DPYSL3: variants seen among roughly 807,000 people sequenced by gnomAD.
DPYSL3 encodes dihydropyrimidinase like 3.
Under a neutral mutation model 66.1 loss-of-function variants are expected in DPYSL3, and 16 were observed. That is an observed-to-expected ratio of 0.24 (90% CI 0.16 to 0.37). The LOEUF is 0.37. DPYSL3 is among the 10% of genes least tolerant of loss of function. The pLI is 1.00. For synonymous variants in DPYSL3, 338 were observed against 345.1 expected (o/e 0.98, Z 0.23); for missense variants, 738 against 916.2 (o/e 0.81, Z 2.51).
intron 1 of DPYSL3, among the ~76,000 whole-genome samples, chr5:147,447,669 G>A (rs138036058): frequency 1.3e-5 from 2 of 152,064 alleles, no homozygotes; most frequent in South Asian, 2.1e-4. Context: ...TCGGGAGTTC[G>A]AGACCAGCCT....
At chr5:147,502,722 G>A (rs1339892456) in intron 1 of DPYSL3, among the ~76,000 whole-genome samples, 1 of 151,756 alleles carries the variant, frequency 6.6e-6, no homozygotes, top group East Asian at 1.9e-4. Flanking sequence ...GACTACAGGC[G>A]CCTGCCACCA....
chr5:147,420,974 G>T (rs1220064519), intron 2 of DPYSL3, among the ~76,000 whole-genome samples: 1 of 151,950 alleles, frequency 6.6e-6, no homozygotes, highest in Non-Finnish European at 1.5e-5. Flanking sequence ...TATGGCCGTA[G>T]CGCCACTCCT....
At chr5:147,442,125 T>C (rs1752543410) in intron 1 of DPYSL3, among the ~76,000 whole-genome samples, 1 of 152,200 alleles carries the variant, frequency 6.6e-6, no homozygotes, top group African/African-American at 2.4e-5. Context: ...TGATTTCAAA[T>C]AAAGGTCTCC....
intron 1 of DPYSL3, among the ~76,000 whole-genome samples, chr5:147,478,147 C>T (rs2086783742): frequency 6.6e-6 from 1 of 152,230 alleles, no homozygotes; most frequent in South Asian, 2.1e-4. Context: ...GAACTTCACA[C>T]ATTCCCTTTG....
intron 13 of DPYSL3, among the ~76,000 whole-genome samples, chr5:147,395,284 G>T (rs775929714): frequency 6.6e-6 from 1 of 152,176 alleles, no homozygotes; most frequent in Non-Finnish European, 1.5e-5. Flanking sequence ...CCAGCTCCCC[G>T]ACCCTGCCCC....
rs542246524 is a variant in DPYSL3 at position 147,492,326 on chromosome 5, T to C, written c.381+17152A>G. The stretch of plus-strand genomic sequence containing the variant: ...AAATGATATAGGTCAGAAACTTGGA[T>C]CTACATAAAGAAAAGAAGACCACCA... On this transcript the variant is annotated intron_variant, in intron 1 of 13. Transcript: ENST00000343218. 2.6e-5 allele frequency among the ~76,000 whole-genome samples: 4 copies of C among 152,164 alleles called. No homozygotes were observed. The East Asian group carries it at 7.7e-4, about 29-fold the overall frequency.
At chr5:147,475,755 T>C (rs1753146977) in intron 1 of DPYSL3, among the ~76,000 whole-genome samples, 2 of 152,116 alleles carry the variant, frequency 1.3e-5, no homozygotes, top group African/African-American at 4.8e-5. Flanking sequence ...TGTCTTAACA[T>C]GCTATAATGA....
At chr5:147,430,509 C>CA (rs555965885) in intron 1 of DPYSL3, among the ~76,000 whole-genome samples, 2,321 of 38,478 alleles carry the variant, frequency 0.06, 43 homozygotes, top group Middle Eastern at 0.11. Flanking sequence ...GACTCGGTCT[C>CA]AAAAAAAAAA....
chr5:147,412,505 G>A, intron 6 of DPYSL3, 103 bp downstream of exon 6: 1 of 1,149,440 alleles, frequency 8.7e-7, no homozygotes, highest in Non-Finnish European at 1.3e-6. Flanking sequence ...AGGTACTTAT[G>A]ATGGTGCCTT....
intron 1 of DPYSL3, chr5:147,453,847 G>T (rs1006012999): frequency 4.5e-5 from 33 of 733,934 alleles, no homozygotes; most frequent in South Asian, 1.6e-4. Flanking sequence ...CCCGGGTTTT[G>T]TTTTTTTTTT....
intron 1 of DPYSL3, among the ~76,000 whole-genome samples, chr5:147,469,148 G>A (rs1190243950): frequency 6.6e-6 from 1 of 152,216 alleles, no homozygotes; most frequent in Admixed American, 6.5e-5. Context: ...TGGCTCTGGA[G>A]CTGTTTGCTT....
At chr5:147,482,056 C>A (rs1230969434) in intron 1 of DPYSL3, among the ~76,000 whole-genome samples, 1 of 152,154 alleles carries the variant, frequency 6.6e-6, no homozygotes, top group Non-Finnish European at 1.5e-5. Flanking sequence ...ATTACCTCAT[C>A]ACTCAAGATT....
At chr5:147,432,590 G>A (rs747678206) in intron 1 of DPYSL3, among the ~76,000 whole-genome samples, 9 of 151,996 alleles carry the variant, frequency 5.9e-5, no homozygotes, top group Non-Finnish European at 1.2e-4. Flanking sequence ...TAGATAACAC[G>A]CCAGAAGCAA....
At chr5:147,447,865 ACAT>A (rs2126387107) in intron 1 of DPYSL3, among the ~76,000 whole-genome samples, 1 of 152,194 alleles carries the variant, frequency 6.6e-6, no homozygotes, top group East Asian at 1.9e-4. Flanking sequence ...ACAAACAAAC[ACAT>A]ATATCCATCA....
At chr5:147,493,209 A>T (rs918342509) in intron 1 of DPYSL3, among the ~76,000 whole-genome samples, 3 of 152,202 alleles carry the variant, frequency 2.0e-5, no homozygotes, top group African/African-American at 4.8e-5. Flanking sequence ...AAAAACCTAA[A>T]AGAACTTCAA....
chr5:147,462,841 A>G (rs1167067483), intron 1 of DPYSL3, among the ~76,000 whole-genome samples: 2 of 152,182 alleles, frequency 1.3e-5, no homozygotes. Flanking sequence ...AAATGCCAAT[A>G]GGAGAATCAT....
At chr5:147,453,506 G>C in intron 1 of DPYSL3, 1 of 1,515,568 alleles carries the variant, frequency 6.6e-7, no homozygotes. Flanking sequence ...GCAGCGGACA[G>C]GGAGCGAGCG....
intron 1 of DPYSL3, among the ~76,000 whole-genome samples, chr5:147,482,375 A>G (rs1271176321): frequency 6.6e-6 from 1 of 152,208 alleles, no homozygotes; most frequent in Non-Finnish European, 1.5e-5. Context: ...AGTGTTCAAA[A>G]ATCAGAAATT....
intron 1 of DPYSL3, among the ~76,000 whole-genome samples, chr5:147,472,443 C>T (rs1753099529): frequency 6.6e-6 from 1 of 152,118 alleles, no homozygotes; most frequent in South Asian, 2.1e-4. Context: ...TTCACTTAAC[C>T]TCTTTTCATT....
Sources: gnomAD v4.1 joint callset for allele counts (sites outside exome capture counted in the v4.1 genomes callset) on GRCh38, gnomAD v4.1.1 for gene constraint, MANE v1.5 for transcripts, NCBI Gene and HGNC (gene_info 2026-07-23, HGNC 2026-07-21) for gene names.